The following SRGAP3 variants were observed in gnomAD, a reference collection of about 807,000 sequenced individuals.
SRGAP3 encodes SLIT-ROBO Rho GTPase activating protein 3.
In SRGAP3, 39 loss-of-function variants were observed where a neutral mutation model predicts 121.1. The observed-to-expected ratio is 0.32, with a 90% confidence interval of 0.25 to 0.42. SRGAP3 has a LOEUF of 0.42. Ranked by LOEUF, SRGAP3 falls within the 10% of genes least tolerant of loss-of-function variation. The probability of loss-of-function intolerance (pLI) is 1.00; values close to 1 mark genes in which losing one functional copy is unlikely to be tolerated. For synonymous variants in SRGAP3, 601 were observed against 570.0 expected (o/e 1.05, Z -0.77); for missense variants, 1,213 against 1,470.6 (o/e 0.82, Z 2.86).
At chr3:9,306,023 CCAA>C (rs1352127282) in intron 3 of SRGAP3, among the ~76,000 whole-genome samples, 2 of 152,236 alleles carry the variant, frequency 1.3e-5, no homozygotes, top group African/African-American at 4.8e-5. Flanking sequence ...TACACTCCCA[CCAA>C]CAATGTAAAA....
intron 1 of SRGAP3, among the ~76,000 whole-genome samples, chr3:9,174,690 C>T (rs1007767788): frequency 6.6e-6 from 1 of 152,328 alleles, no homozygotes; most frequent in Admixed American, 6.5e-5. Flanking sequence ...CCCGTTCTCA[C>T]CAGAGGGAAG....
intron 1 of SRGAP3, among the ~76,000 whole-genome samples, chr3:9,159,815 G>A: frequency 6.6e-6 from 1 of 152,154 alleles, no homozygotes; most frequent in East Asian, 1.9e-4. Flanking sequence ...CTTGCCAGAA[G>A]AGGCCAATAC....
At chr3:9,199,521 C>G (rs1952009925) in intron 1 of SRGAP3, among the ~76,000 whole-genome samples, 1 of 152,246 alleles carries the variant, frequency 6.6e-6, no homozygotes, top group Middle Eastern at 3.4e-3. Context: ...TTCCATGTGG[C>G]TCTATCACCT....
At chr3:9,161,319 G>C (rs1241173463) in intron 1 of SRGAP3, among the ~76,000 whole-genome samples, 1 of 152,198 alleles carries the variant, frequency 6.6e-6, no homozygotes, top group Non-Finnish European at 1.5e-5. Flanking sequence ...GAACTCCCAT[G>C]GGCCAGTGCC....
At chr3:9,186,113 T>C (rs944397726) in intron 1 of SRGAP3, among the ~76,000 whole-genome samples, 5 of 152,214 alleles carry the variant, frequency 3.3e-5, no homozygotes, top group Admixed American at 2.0e-4. Context: ...TTTTTGCTCA[T>C]GGTACATCAC....
intron 1 of SRGAP3, among the ~76,000 whole-genome samples, chr3:9,133,175 T>C (rs997623284): frequency 4.6e-5 from 7 of 151,980 alleles, no homozygotes; most frequent in African/African-American, 1.7e-4. Flanking sequence ...TACCTTATCT[T>C]TTTCTTTTAA....
At position 9,109,622 on chromosome 3, in the gene SRGAP3, A is replaced by G. The variant is rs1948542800; in HGVS notation, c.261-4780T>C. ...CCCTGCCCTGCAAGTCTTCCACTTG[A>G]GTAAGGAGATTCACAAGGAACAGAA... On this transcript the variant is annotated intron_variant, in intron 2 of 21. Coordinates refer to ENST00000383836, the MANE Select transcript of SRGAP3 (RefSeq NM_014850.4). The surrounding 1 kb of genome is among the most constrained non-coding windows in gnomAD (Gnocchi z 4.4). 6.6e-6 allele frequency among the ~76,000 whole-genome samples: 1 copy of G among 152,094 alleles called. No homozygotes were observed. The highest frequency in any genetic ancestry group is 1.5e-5 in the Non-Finnish European group (1 of 68,010).
Position 9,010,184 on chromosome 3 carries a change from G to T in SRGAP3, c.2227+124C>A, listed in dbSNP as rs573810526. Reference sequence around the variant, plus strand: ...TTTCGGGGTCTTCGTCTATTCTGAAGGACAGATGGCTGACTTGGAAAGCTG... The same window carrying T: ...TTTCGGGGTCTTCGTCTATTCTGAATGACAGATGGCTGACTTGGAAAGCTG... On this transcript the variant is annotated intron_variant, in intron 18 of 21. Coordinates refer to ENST00000383836, the MANE Select transcript of SRGAP3 (RefSeq NM_014850.4). 10 of 1,162,210 alleles carry T rather than the reference G, an allele frequency of 8.6e-6. 1 individual carries two copies. In the East Asian group the frequency reaches 2.5e-4, roughly 29 times the overall value. The allele number at this position is 1,162,210 out of a possible 1,614,324, so 72.0% of individuals were successfully genotyped here. A position where few individuals can be genotyped will look rare whatever the true frequency, so the allele number is the denominator to read the frequency against.
At chr3:9,049,154 G>C in intron 9 of SRGAP3, 1 of 308,432 alleles carries the variant, frequency 3.2e-6, no homozygotes, top group Admixed American at 3.9e-5. Context: ...ATAGAGGAGG[G>C]CCTCTAACAT....
intron 3 of SRGAP3, among the ~76,000 whole-genome samples, chr3:9,084,430 G>C (rs987475884): frequency 1.3e-5 from 2 of 152,088 alleles, no homozygotes; most frequent in Non-Finnish European, 2.9e-5. Context: ...GGCAAAAAAA[G>C]AAAAAAGAAA....
Position 9,068,899 on chromosome 3 carries a change from A to G in SRGAP3, c.487-4318T>C, listed in dbSNP as rs116228713. On this transcript the variant is annotated intron_variant, in intron 4 of 21. Transcript: ENST00000383836. ...CAATGATAGCAGCTAGCATCTATTG[A>G]GCACTTACTACTTGCCAGGCCTTGC... Among the ~76,000 whole-genome samples the G allele has an allele frequency of 9.4e-3, 1,434 of 152,278 alleles. 32 individuals carry two copies. The highest frequency in any genetic ancestry group is 0.033 in the African/African-American group (1,374 of 41,558).
At chr3:9,219,694 CA>C (rs1254950082) in intron 1 of SRGAP3, among the ~76,000 whole-genome samples, 2 of 151,988 alleles carry the variant, frequency 1.3e-5, no homozygotes, top group African/African-American at 4.8e-5. Context: ...ACTAAAAACA[CA>C]AAAAAATTAG....
intron 1 of SRGAP3, among the ~76,000 whole-genome samples, chr3:9,246,511 C>G (rs575247794): frequency 6.6e-6 from 1 of 152,312 alleles, no homozygotes; most frequent in South Asian, 2.1e-4. Context: ...TGTCAGGGAA[C>G]ACAAGCCTGG....
chr3:9,176,573 A>G (rs948743441), intron 1 of SRGAP3, among the ~76,000 whole-genome samples: 9 of 152,196 alleles, frequency 5.9e-5, no homozygotes, highest in Non-Finnish European at 8.8e-5. Context: ...TGGGTAATAT[A>G]TAAGAAAAGA....
chr3:9,281,159 C>A (rs536675039), intron 3 of SRGAP3, among the ~76,000 whole-genome samples: 4 of 152,098 alleles, frequency 2.6e-5, no homozygotes, highest in Non-Finnish European at 5.9e-5. Context: ...CACTGAAATC[C>A]CAGGACTCAC....
chr3:9,153,573 C>T (rs901573632), intron 1 of SRGAP3, among the ~76,000 whole-genome samples: 2 of 152,124 alleles, frequency 1.3e-5, no homozygotes, highest in African/African-American at 4.8e-5. Flanking sequence ...CTAGGTTAGT[C>T]ATTTTATTTT....
intron 18 of SRGAP3, among the ~76,000 whole-genome samples, chr3:8,998,038 T>C (rs1339819841): frequency 2.6e-5 from 4 of 152,134 alleles, no homozygotes; most frequent in African/African-American, 9.6e-5. Context: ...CATGCCGCCA[T>C]GCCCAGCTAA....
chr3:9,217,559 GA>G (rs1952676316), intron 1 of SRGAP3: 1 of 152,144 alleles, frequency 6.6e-6, no homozygotes, highest in Non-Finnish European at 1.5e-5. Flanking sequence ...GCAGGGAGAA[GA>G]ACTACCTCAA....
chr3:9,103,585 G>A (rs1215719728), intron 3 of SRGAP3, among the ~76,000 whole-genome samples: 1 of 152,158 alleles, frequency 6.6e-6, no homozygotes, highest in African/African-American at 2.4e-5. Flanking sequence ...TCTGGACCCA[G>A]AGGCCACATC....
Sources: gnomAD v4.1 joint callset for allele counts (sites outside exome capture counted in the v4.1 genomes callset) on GRCh38, gnomAD v4.1.1 for gene constraint, Gnocchi (gnomAD v3.1) non-coding constraint, MANE v1.5 for transcripts, NCBI Gene and HGNC (gene_info 2026-07-23, HGNC 2026-07-21) for gene names.